NUP160: variants seen among roughly 807,000 people sequenced by gnomAD.
The protein encoded by NUP160 is nuclear pore complex protein Nup160.
Under a neutral mutation model 196.9 loss-of-function variants are expected in NUP160, and 94 were observed. That is an observed-to-expected ratio of 0.48 (90% confidence interval 0.40 to 0.57). The LOEUF is 0.57. NUP160 is among the 20% of genes least tolerant of loss of function. The pLI is 0.00. For missense variants in NUP160, 1,638 were observed against 1,748.3 expected (o/e 0.94, Z 1.13); for synonymous variants, 605 against 619.7 (o/e 0.98, Z 0.35).
chr11:47,835,961 C>T, intron 6 of NUP160, 152 bp from the exon 7 acceptor site: 1 of 603,968 alleles, frequency 1.7e-6, no homozygotes, highest in African/African-American at 1.9e-5. Context: ...AAAGGGCTAA[C>T]ACAGGCCGGG....
chr11:47,848,247 G>A, exon 1 of NUP160: 5 of 1,614,204 alleles, frequency 3.1e-6, no homozygotes, highest in South Asian at 1.1e-5. Flanking sequence ...ATTCCCGAAA[G>A]TGCCTCGGCC....
chr11:47,786,542 C>G (rs781508362), exon 32 of NUP160: 2 of 1,610,976 alleles, frequency 1.2e-6, no homozygotes, highest in Non-Finnish European at 1.7e-6. Flanking sequence ...CTCCAAATTG[C>G]AATTTGATGC....
intron 7 of NUP160, among the ~76,000 whole-genome samples, chr11:47,831,060 G>C (rs182306593): frequency 2.3e-4 from 35 of 152,128 alleles, no homozygotes; most frequent in Non-Finnish European, 4.3e-4. Context: ...CTACTTGGGG[G>C]ACTGAGGCGG....
At chr11:47,782,431 T>C (rs1157785243) in intron 34 of NUP160, among the ~76,000 whole-genome samples, 3 of 147,070 alleles carry the variant, frequency 2.0e-5, no homozygotes, top group Non-Finnish European at 4.5e-5. Context: ...GAAAATATCA[T>C]AGGTTGAAAA....
intron 5 of NUP160, among the ~76,000 whole-genome samples, chr11:47,837,277 G>A (rs564317882): frequency 1.3e-5 from 2 of 152,130 alleles, no homozygotes; most frequent in East Asian, 3.9e-4. Context: ...AATTTTACAC[G>A]AAACTGGATT....
intron 6 of NUP160, among the ~76,000 whole-genome samples, chr11:47,836,627 T>A (rs1432304761): frequency 2.6e-5 from 4 of 151,774 alleles, no homozygotes; most frequent in East Asian, 1.9e-4. Context: ...TTAAAAAATT[T>A]AAAAAAAAGT....
At chr11:47,809,498 C>T (rs1274117859) in intron 17 of NUP160, among the ~76,000 whole-genome samples, 1 of 151,810 alleles carries the variant, frequency 6.6e-6, no homozygotes, top group African/African-American at 2.4e-5. Flanking sequence ...CCTGTAATCC[C>T]AGCACTTTGT....
chr11:47,840,525 A>G, exon 3 of NUP160: 3 of 1,614,098 alleles, frequency 1.9e-6, no homozygotes, highest in Non-Finnish European at 2.5e-6. Flanking sequence ...GGCGAATGGC[A>G]TTATTCAACA....
At chr11:47,812,988 A>G in exon 15 of NUP160, 1 of 1,611,878 alleles carries the variant, frequency 6.2e-7, no homozygotes, top group Non-Finnish European at 8.5e-7. Flanking sequence ...ACAGTTACTG[A>G]CTCTTCAATC....
At chr11:47,817,199 C>T (rs1165730240) in intron 11 of NUP160, among the ~76,000 whole-genome samples, 2 of 151,688 alleles carry the variant, frequency 1.3e-5, no homozygotes, top group African/African-American at 2.4e-5. Flanking sequence ...GCCCAGGCTG[C>T]TCTCAAACTC....
intron 29 of NUP160, among the ~76,000 whole-genome samples, chr11:47,789,706 T>C (rs2097666793): frequency 6.6e-6 from 1 of 151,898 alleles, no homozygotes; most frequent in East Asian, 1.9e-4. Flanking sequence ...GTTACTACTA[T>C]GTATAGTATA....
At chr11:47,829,557 T>C (rs1001729482) in intron 7 of NUP160, among the ~76,000 whole-genome samples, 1 of 152,218 alleles carries the variant, frequency 6.6e-6, no homozygotes, top group African/African-American at 2.4e-5. Flanking sequence ...TCTACCCACC[T>C]TGGCCTCCCA....
chr11:47,843,374 G>A (rs1852342422), intron 2 of NUP160, among the ~76,000 whole-genome samples: 1 of 152,136 alleles, frequency 6.6e-6, no homozygotes, highest in African/African-American at 2.4e-5. Flanking sequence ...ATGCAACACT[G>A]ACAGGTTTTC....
chr11:47,797,803 T>A, exon 27 of NUP160: 1 of 1,612,802 alleles, frequency 6.2e-7, no homozygotes, highest in Non-Finnish European at 8.5e-7. Context: ...TGGCGATAGA[T>A]GTGAAAGGCA....
exon 4 of NUP160, chr11:47,839,907 C>A (rs1852260905): frequency 6.2e-7 from 1 of 1,614,004 alleles, no homozygotes; most frequent in African/African-American, 1.3e-5. Flanking sequence ...GTAAGGCAAA[C>A]AGGGCCTCCC....
chr11:47,846,476 A>G (rs1298674623), intron 2 of NUP160, among the ~76,000 whole-genome samples: 2 of 151,824 alleles, frequency 1.3e-5, no homozygotes, highest in African/African-American at 4.8e-5. Context: ...ACCCCTCCCC[A>G]CTCACATCTG....
At chr11:47,829,101 C>T (rs565480110) in intron 7 of NUP160, among the ~76,000 whole-genome samples, 2 of 152,202 alleles carry the variant, frequency 1.3e-5, no homozygotes, top group East Asian at 3.9e-4. Context: ...ATAATCTGGA[C>T]TTTATCAAAA....
chr11:47,812,824 T>C (rs2097681944), intron 15 of NUP160, 58 bp downstream of exon 15: 9 of 1,457,538 alleles, frequency 6.2e-6, no homozygotes, highest in South Asian at 6.1e-5. Context: ...ATTCCAACTT[T>C]GGCGCTAAAA....
intron 23 of NUP160, among the ~76,000 whole-genome samples, chr11:47,800,665 C>T (rs11039398): frequency 0.22 from 33,963 of 152,068 alleles, 4,832 homozygotes; most frequent in South Asian, 0.46. Flanking sequence ...GCTGGGATTA[C>T]AGGTGTGAGC....
Sources: allele counts gnomAD v4.1 joint callset (sites outside exome capture counted in the v4.1 genomes callset), GRCh38; gene constraint gnomAD v4.1.1; transcripts MANE v1.5; gene names NCBI Gene and HGNC (gene_info 2026-07-23, HGNC 2026-07-21).